The following ITPR3 variants were observed in gnomAD, a reference collection of about 807,000 sequenced individuals.
The protein encoded by ITPR3 is inositol 1,4,5-trisphosphate-gated calcium channel ITPR3.
Under a neutral mutation model 293.2 loss-of-function variants are expected in ITPR3, and 173 were observed. The observed-to-expected ratio is 0.59, with a 90% CI of 0.52 to 0.67. The LOEUF is 0.67. Among genes scored for constraint, ITPR3 ranks in the 30% least tolerant of loss-of-function variants. The probability of loss-of-function intolerance (pLI) is 0.00; values close to 1 mark genes in which losing one functional copy is unlikely to be tolerated. For synonymous variants in ITPR3, 1,295 were observed against 1,444.4 expected, an observed-to-expected ratio of 0.90 and a Z score of 2.35; for missense variants, 2,796 against 3,592.1, an observed-to-expected ratio of 0.78 and a Z score of 5.66.
chr6:33,688,904 C>T, intron 49 of ITPR3, 123 bp downstream of exon 49: 2 of 1,299,208 alleles, frequency 1.5e-6, no homozygotes, highest in Non-Finnish European at 2.2e-6. Flanking sequence ...GCAGAAGCAC[C>T]CCCTGCGCCA....
chr6:33,662,410 TG>T, intron 7 of ITPR3, 117 bp from the exon 8 acceptor site: 2 of 1,211,270 alleles, frequency 1.7e-6, no homozygotes, highest in Non-Finnish European at 2.3e-6. Context: ...GTGCTGGCTC[TG>T]GAAGAGGGGC....
In ITPR3 at chr6:33,633,772, G is replaced by C. The variant is rs960117839; in HGVS notation, c.90-6712G>C. ...CGGGGGCGGGGGCGGGGCCGGGGCC[G>C]GGGCCGGACGCCCGGAGCTCGCGGG... is the stretch of plus-strand genomic sequence containing the variant. On this transcript the variant is annotated intron_variant, in intron 1 of 57. Transcript: ENST00000605930. The surrounding 1 kb of genome is among the most constrained non-coding windows in gnomAD (Gnocchi z 5.2). 3.4e-5 allele frequency among the ~76,000 whole-genome samples: 5 copies of C among 145,554 alleles called. No individual in the cohort carries two copies. Among genetic ancestry groups the C allele is most frequent in the African/African-American group, 1.2e-4 (5 of 40,630 alleles).
At chr6:33,671,099 C>G in intron 20 of ITPR3, 66 bp from the exon 21 acceptor site, 2 of 1,596,244 alleles carry the variant, frequency 1.3e-6, no homozygotes, top group Non-Finnish European at 1.7e-6. Context: ...CTGGCCTGCC[C>G]TCCACGAAGC....
At chr6:33,674,105 G>A in intron 23 of ITPR3, 103 bp from the exon 24 acceptor site, 1 of 1,377,424 alleles carries the variant, frequency 7.3e-7, no homozygotes, top group Non-Finnish European at 1.0e-6. Flanking sequence ...AGCAGCTGCT[G>A]TGCAGCCAGT....
In ITPR3 at chr6:33,658,168, C is replaced by T. The variant is rs1259440948; in HGVS notation, c.369+150C>T. 5 of 679,668 alleles carry T rather than the reference C, an allele frequency of 7.4e-6. No individual in the cohort carries two copies. Among genetic ancestry groups the T allele is most frequent in the African/African-American group, 3.5e-5 (2 of 56,730 alleles). 42.1% of individuals were successfully genotyped at this position (679,668 alleles called of 1,614,324 possible). A position where few individuals can be genotyped will look rare whatever the true frequency, so the allele number is the denominator to read the frequency against. On this transcript the variant is annotated intron_variant, in intron 4 of 57. Transcript: ENST00000605930. This position sits in a 1 kb window ranked among gnomAD's most constrained non-coding sequence, Gnocchi z 6.1. The stretch of plus-strand genomic sequence containing the variant: ...CCCTGGGGCCACCTGTGTGGCTGTG[C>T]GTCTGACTGTGTGTGTGTCTGTTGC...
rs1369942801 is a variant in ITPR3 at position 33,676,875 on chromosome 6, G to A, written c.3390G>A (p.Lys1130=). 1 of 1,614,152 alleles carries A rather than the reference G, an allele frequency of 6.2e-7. No homozygotes were observed. ...AGAAGTCAGAGCTGTGGGTGGACAAGAAGGGCAGTGGCAAGGGTGAGGAGG... is the reference window on the plus strand; with the variant it reads ...AGAAGTCAGAGCTGTGGGTGGACAAAAAGGGCAGTGGCAAGGGTGAGGAGG... ...MVEKSELWVD[K]KGSGKGEEVE... The change falls in exon 26 of 58, where the codon AAG becomes AAA. Residue 1130 remains lysine (K), a synonymous_variant. Transcript: ENST00000605930.
intron 33 of ITPR3, 94 bp downstream of exon 33, chr6:33,680,774 T>C: frequency 9.6e-6 from 14 of 1,456,400 alleles, no homozygotes; most frequent in Non-Finnish European, 1.2e-5. Flanking sequence ...TATTTGCTTA[T>C]AGTACAGAAA....
chr6:33,677,657 C>G, intron 28 of ITPR3, 28 bp downstream of exon 28: 1 of 1,609,240 alleles, frequency 6.2e-7, no homozygotes, highest in Non-Finnish European at 8.5e-7. Flanking sequence ...CCTCTGACTC[C>G]CCAGGGTGGC....
intron 30 of ITPR3, 52 bp downstream of exon 30, chr6:33,678,891 C>G (rs936143153): frequency 6.4e-6 from 10 of 1,553,672 alleles, no homozygotes; most frequent in Middle Eastern, 1.7e-4. Context: ...GGGACCGGAG[C>G]AGAGGCTTGG....
intron 18 of ITPR3, 60 bp downstream of exon 18, chr6:33,669,216 C>G: frequency 6.5e-7 from 1 of 1,536,322 alleles, no homozygotes; most frequent in Non-Finnish European, 8.9e-7. Flanking sequence ...CTCAGTAGGC[C>G]GTCAGTCAAT....
At chr6:33,685,227 C>A in intron 39 of ITPR3, 132 bp from the exon 40 acceptor site, 2 of 928,608 alleles carry the variant, frequency 2.2e-6, no homozygotes, top group Non-Finnish European at 3.3e-6. Flanking sequence ...GGATGCTAGC[C>A]ACCAGCACCC....
In ITPR3 at chr6:33,682,741, C is replaced by T. The variant is rs998384976; in HGVS notation, c.4597+97C>T. 8 of 1,426,408 alleles carry T rather than the reference C, an allele frequency of 5.6e-6. No individual in the cohort carries two copies. Among genetic ancestry groups the T allele is most frequent in the African/African-American group, 4.5e-5 (3 of 66,656 alleles). 88.4% of individuals were successfully genotyped at this position (1,426,408 alleles called of 1,614,324 possible). ...CTAATAAACACTTTATCCCTAAGCTCGCCCATCTCCTGCTCCCAGGTGGTT... is the reference window on the plus strand; with the variant it reads ...CTAATAAACACTTTATCCCTAAGCTTGCCCATCTCCTGCTCCCAGGTGGTT... On this transcript the variant is annotated intron_variant, in intron 34 of 57. Transcript: ENST00000605930. The surrounding 1 kb of genome is among the most constrained non-coding windows in gnomAD (Gnocchi z 5.4).
At position 33,669,038 on chromosome 6, in the gene ITPR3, G is replaced by A; in HGVS notation, c.2071G>A (p.Glu691Lys). 1 of 1,614,200 alleles carries A rather than the reference G, an allele frequency of 6.2e-7. No homozygotes were observed. Among genetic ancestry groups the A allele is most frequent in the Non-Finnish European group, 8.5e-7 (1 of 1,180,036 alleles). Residue 691 changes from glutamate to lysine, a missense_variant, in exon 18 of 58, where the codon GAA becomes AAA. By Grantham distance (56) the Glu-to-Lys change is moderately conservative. Transcript: ENST00000605930. Reference sequence around the variant, plus strand: ...CCTGAGCATCGAGTACTCAGAAGAGGAAGTGTGGCTCACGTGGACTGACAA... The same window carrying A: ...CCTGAGCATCGAGTACTCAGAAGAGAAAGTGTGGCTCACGTGGACTGACAA... ...EYLSIEYSEEEVWLTWTDKNN... is the reference protein window; with the variant it reads ...EYLSIEYSEEKVWLTWTDKNN...
intron 2 of ITPR3, among the ~76,000 whole-genome samples, chr6:33,646,367 C>T (rs1226733216): frequency 9.9e-6 from 1 of 100,718 alleles, no homozygotes; most frequent in East Asian, 3.8e-4. Flanking sequence ...CCTCTTCCCA[C>T]CCCCCACCCC....
chr6:33,632,875 G>A lies in ITPR3; in HGVS notation c.90-7609G>A, dbSNP rs1196619045. Among the ~76,000 whole-genome samples, 3 of 152,218 alleles carry A rather than the reference G, an allele frequency of 2.0e-5. No individual in the cohort carries two copies. Among genetic ancestry groups the A allele is most frequent in the Non-Finnish European group, 1.5e-5 (1 of 68,036 alleles). On this transcript the variant is annotated intron_variant, in intron 1 of 57. Transcript: ENST00000605930. The surrounding 1 kb of genome is among the most constrained non-coding windows in gnomAD (Gnocchi z 4.1). ...CAGCGTGGTCGCAGGAGATCCCAGA[G>A]GGTGGGGACCACACCCAGCACATAG...
At chr6:33,652,798 C>T (rs765141401) in intron 2 of ITPR3, among the ~76,000 whole-genome samples, 1 of 151,842 alleles carries the variant, frequency 6.6e-6, no homozygotes, top group African/African-American at 2.4e-5. Flanking sequence ...AAAATGGTGG[C>T]GGTCTAGAGC....
At chr6:33,671,853 A>G (rs1764776225) in intron 21 of ITPR3, among the ~76,000 whole-genome samples, 176 bp from the exon 22 acceptor site, 2 of 152,034 alleles carry the variant, frequency 1.3e-5, no homozygotes, top group Non-Finnish European at 2.9e-5. Flanking sequence ...ATTTGCTTAA[A>G]GCTCATGTCC....
chr6:33,673,650 G>A lies in ITPR3; in HGVS notation c.2988G>A (p.Lys996=). The A allele has an allele frequency of 1.9e-6, 3 of 1,614,214 alleles. No individual in the cohort carries two copies. Among genetic ancestry groups the A allele is most frequent in the Non-Finnish European group, 2.5e-6 (3 of 1,180,040 alleles). The change falls in exon 23 of 58, where the codon AAG becomes AAA. Residue 996 remains lysine (K), a synonymous_variant. Transcript: ENST00000605930. ...RISYLLSVFK[K]EFVEVFPMQD... ...CCTACCTGCTGTCTGTCTTCAAGAA[G>A]GAGTTTGTGGAGGTGTTTCCCATGC...
At chr6:33,636,051 C>T (rs1383461764) in intron 1 of ITPR3, among the ~76,000 whole-genome samples, 1 of 145,658 alleles carries the variant, frequency 6.9e-6, no homozygotes, top group Non-Finnish European at 1.5e-5. Flanking sequence ...CTTTGGGAGG[C>T]CGATGCAGGT....
Sources: gnomAD v4.1 joint callset for allele counts (sites outside exome capture counted in the v4.1 genomes callset) on GRCh38, gnomAD v4.1.1 for gene constraint, Gnocchi (gnomAD v3.1) non-coding constraint, MANE v1.5 for transcripts, NCBI Gene and HGNC (gene_info 2026-07-23, HGNC 2026-07-21) for gene names.